POLR2B: variants seen among roughly 807,000 people sequenced by gnomAD.
POLR2B encodes the protein RNA polymerase II subunit B.
Under a neutral mutation model 144.6 loss-of-function variants are expected in POLR2B, and 57 were observed. The observed-to-expected ratio is 0.39, with a 90% CI of 0.32 to 0.49. POLR2B has a LOEUF of 0.49. POLR2B is among the 20% of genes least tolerant of loss of function. POLR2B has a pLI of 0.83. For synonymous variants in POLR2B, 442 were observed against 469.8 expected, an observed-to-expected ratio of 0.94 and a Z score of 0.77; for missense variants, 595 against 1,467.4, an observed-to-expected ratio of 0.41 and a Z score of 9.71.
chr4:57,006,869 A>G lies in POLR2B; in HGVS notation c.1271A>G (p.Asp424Gly). 6.2e-7 allele frequency: 1 copy of G among 1,613,734 alleles called. No individual in the cohort carries two copies. The highest frequency in any genetic ancestry group is 8.5e-7 in the Non-Finnish European group (1 of 1,179,676). The change falls in exon 10 of 25, where the codon GAT becomes GGT. Residue 424 changes from aspartate (D) to glycine (G), a missense_variant. Physicochemically the swap from Asp to Gly is moderately conservative, Grantham distance 94. Around this residue, in one of 9 missense-constraint regions of POLR2B, gnomAD observed 251 missense variants for 567.3 expected, o/e 0.44. Transcript: ENST00000314595. The part of the protein sequence containing the change: ...EVRIYAQKFI[D>G]RGKDFNLELA... ...CGGATCTATGCACAGAAATTTATTGATCGAGGAAAGGATTTTAACTTGGAG... is the reference window on the plus strand; with the variant it reads ...CGGATCTATGCACAGAAATTTATTGGTCGAGGAAAGGATTTTAACTTGGAG...
At chr4:57,020,397 A>G (rs987501173) in intron 16 of POLR2B, among the ~76,000 whole-genome samples, 16 of 152,066 alleles carry the variant, frequency 1.1e-4, no homozygotes, top group African/African-American at 3.9e-4. Context: ...TAAGAATTTC[A>G]TTGTGGTGGG....
intron 13 of POLR2B, among the ~76,000 whole-genome samples, chr4:57,014,504 CTTTTTTTTTT>C (rs773847681): frequency 3.0e-5 from 2 of 66,684 alleles, no homozygotes; most frequent in South Asian, 5.5e-4. Flanking sequence ...CTTTTTTTTT[CTTTTTTTTTT>C]TTTTTTGAGA....
Position 57,023,893 on chromosome 4 carries a change from A to G in POLR2B, c.2857-112A>G. On this transcript the variant is annotated intron_variant, in intron 20 of 24. Transcript: ENST00000314595. The surrounding 1 kb of genome is among the most constrained non-coding windows in gnomAD (Gnocchi z 4.3). ...TATTGTTGAATAAGTATATGAACAT[A>G]CCATGTTTAAACAGAATTTGGGACA... The G allele has an allele frequency of 2.6e-6, 2 of 781,932 alleles. No individual in the cohort carries two copies. The highest frequency in any genetic ancestry group is 5.1e-5 in the East Asian group (2 of 39,340). The allele number at this position is 781,932 out of a possible 1,614,324, so 48.4% of individuals were successfully genotyped here. A position where few individuals can be genotyped will look rare whatever the true frequency, so the allele number is the denominator to read the frequency against.
intron 14 of POLR2B, among the ~76,000 whole-genome samples, chr4:57,015,915 CA>C (rs1723352099): frequency 6.6e-6 from 1 of 152,088 alleles, no homozygotes; most frequent in Non-Finnish European, 1.5e-5. Context: ...TGTGCCACCA[CA>C]CCCAGCTAAT....
intron 10 of POLR2B, chr4:57,009,529 T>G (rs751301866): frequency 6.6e-6 from 1 of 152,236 alleles, no homozygotes; most frequent in Non-Finnish European, 1.5e-5. Flanking sequence ...CAGGGACTTA[T>G]GAGCTGATGG....
At chr4:57,015,858 A>C (rs1370459344) in intron 14 of POLR2B, among the ~76,000 whole-genome samples, 1 of 152,014 alleles carries the variant, frequency 6.6e-6, no homozygotes, top group Non-Finnish European at 1.5e-5. Flanking sequence ...TCCTGGGTTC[A>C]AGCAATTCTC....
intron 2 of POLR2B, among the ~76,000 whole-genome samples, chr4:56,987,591 C>T (rs767120801): frequency 1.1e-4 from 17 of 152,156 alleles, no homozygotes; most frequent in African/African-American, 2.4e-4. Flanking sequence ...CTTTCTTGAA[C>T]GTTGTTTTGT....
rs545845888 is a variant in POLR2B at position 56,993,613 on chromosome 4, T to G, written c.244-791T>G. 3.3e-5 allele frequency among the ~76,000 whole-genome samples: 5 copies of G among 152,344 alleles called. No individual in the cohort carries two copies. In the East Asian group the frequency reaches 9.6e-4, roughly 29 times the overall value. ...TCTAGAAAGTTGTCCTCATGGATCT[T>G]GTTTTATTAGGCAGCAAGTGAATGT... is the stretch of plus-strand genomic sequence containing the variant. On this transcript the variant is annotated intron_variant, in intron 3 of 24. Coordinates refer to ENST00000314595, the MANE Select transcript of POLR2B (RefSeq NM_000938.3).
At chr4:56,980,178 G>A (rs968453426) in intron 1 of POLR2B, among the ~76,000 whole-genome samples, 2 of 150,352 alleles carry the variant, frequency 1.3e-5, no homozygotes, top group Non-Finnish European at 2.9e-5. Flanking sequence ...TGCCTGTCTC[G>A]GCCTCCCAAA....
intron 6 of POLR2B, among the ~76,000 whole-genome samples, chr4:56,996,276 ATATTT>A (rs1722683178): frequency 1.2e-5 from 1 of 85,570 alleles, no homozygotes; most frequent in African/African-American, 4.4e-5. Flanking sequence ...ATATATATAT[ATATTT>A]TTTTTTTTTT....
In POLR2B at chr4:56,990,707, A is replaced by G. The variant is rs201596444; in HGVS notation, c.93-41A>G. 153 of 1,533,420 alleles carry G rather than the reference A, an allele frequency of 1.0e-4. No homozygotes were observed. In the African/African-American group the frequency reaches 1.8e-3, roughly 18 times the overall value. 95.0% of individuals were successfully genotyped at this position (1,533,420 alleles called of 1,614,324 possible). On this transcript the variant is annotated intron_variant, in intron 2 of 24. Transcript: ENST00000314595. ...AAAATGGGGAATTATGCTAGAAATT[A>G]TCACTGAGTTGCAACTGACTGAACT...
Position 56,978,933 on chromosome 4 carries a change from C to A in POLR2B, c.-53C>A, listed in dbSNP as rs896561545. On this transcript the variant is annotated 5_prime_UTR_variant, in exon 1 of 25. Coordinates refer to ENST00000314595, the MANE Select transcript of POLR2B (RefSeq NM_000938.3). ...GCTCCTGGCGCTGCTGGCTTCTGGG[C>A]GGTTTTTGTCTTTTGATTTCAAGAG... The A allele has an allele frequency of 1.9e-6, 3 of 1,576,172 alleles. No homozygotes were observed. The highest frequency in any genetic ancestry group is 2.6e-6 in the Non-Finnish European group (3 of 1,145,890).
chr4:57,021,000 G>T lies in POLR2B; in HGVS notation c.2420+5G>T. On this transcript the variant is annotated splice_donor_5th_base_variant and intron_variant, in intron 17 of 24. Transcript: ENST00000314595. The stretch of plus-strand genomic sequence containing the variant: ...TGTAGACCGCGGCTTCTTCAGGTTA[G>T]TATTTTGTAAATTTGTCAAAACACA... The T allele has an allele frequency of 6.6e-7, 1 of 1,507,662 alleles. No individual in the cohort carries two copies. The highest frequency in any genetic ancestry group is 1.1e-5 in the South Asian group (1 of 88,496). The allele number at this position is 1,507,662 out of a possible 1,614,324, so 93.4% of individuals were successfully genotyped here.
At chr4:57,000,157 C>T (rs1460596424) in intron 7 of POLR2B, among the ~76,000 whole-genome samples, 1 of 152,162 alleles carries the variant, frequency 6.6e-6, no homozygotes, top group Non-Finnish European at 1.5e-5. Context: ...ACAAAAAGGC[C>T]AGTCATGGTG....
Position 57,006,845 on chromosome 4 carries a change from G to A in POLR2B, c.1247G>A (p.Arg416Gln), listed in dbSNP as rs745374976. 1.1e-5 allele frequency: 18 copies of A among 1,613,092 alleles called. No homozygotes were observed. Among genetic ancestry groups the A allele is most frequent in the African/African-American group, 1.3e-5 (1 of 74,834 alleles). ...TTTAAGAATTTGCTTAAAGAAGTGC[G>A]GATCTATGCACAGAAATTTATTGAT... is the stretch of plus-strand genomic sequence containing the variant. ...GMFKNLLKEV[R>Q]IYAQKFIDRG... Residue 416 changes from arginine to glutamine, a missense_variant, in exon 10 of 25, where the codon CGG (arginine) becomes CAG (glutamine). By Grantham distance (43) the Arg-to-Gln change is conservative (BLOSUM62 1). Around this residue, in one of 9 missense-constraint regions of POLR2B, gnomAD observed 251 missense variants for 567.3 expected, o/e 0.44. Transcript: ENST00000314595.
At chr4:57,027,196 C>T (rs956579593) in intron 23 of POLR2B, among the ~76,000 whole-genome samples, 1 of 151,000 alleles carries the variant, frequency 6.6e-6, no homozygotes, top group Non-Finnish European at 1.5e-5. Flanking sequence ...TTTTGTAGAG[C>T]CAGGGTTTCA....
chr4:57,030,928 C>A lies in POLR2B; in HGVS notation c.3465C>A (p.Cys1155Ter). Residue 1155 changes from cysteine (C) to a stop codon, truncating the protein, a stop_gained, in exon 25 of 25, where the codon TGC becomes TGA. Coordinates refer to ENST00000314595, the MANE Select transcript of POLR2B (RefSeq NM_000938.3). LOFTEE classifies it high-confidence loss of function. ...QISLVRMPYACKLLFQELMSM... is the reference protein window; with the variant it reads ...QISLVRMPYA Reference sequence around the variant, plus strand: ...CTTTGGTGCGAATGCCTTACGCATGCAAACTATTGTTTCAGGAACTTATGT... The same window carrying A: ...CTTTGGTGCGAATGCCTTACGCATGAAAACTATTGTTTCAGGAACTTATGT... 6.2e-7 allele frequency: 1 copy of A among 1,609,884 alleles called. No homozygotes were observed. The highest frequency in any genetic ancestry group is 8.5e-7 in the Non-Finnish European group (1 of 1,176,174).
intron 10 of POLR2B, among the ~76,000 whole-genome samples, chr4:57,008,647 A>G (rs1723099546): frequency 6.6e-6 from 1 of 152,216 alleles, no homozygotes. Context: ...TAACTGTTAT[A>G]ATAAGAGATG....
chr4:56,999,585 ATTCATG>A, intron 6 of POLR2B, 26 bp from the exon 7 acceptor site: 1 of 1,482,676 alleles, frequency 6.7e-7, no homozygotes, highest in Non-Finnish European at 9.2e-7. Context: ...GCTTTTGTAT[ATTCATG>A]TTCTAATGAT....
Sources: gnomAD v4.1 joint callset for allele counts (sites outside exome capture counted in the v4.1 genomes callset) on GRCh38, gnomAD v4.1.1 for gene constraint, gnomAD v4.1.1 regional missense constraint, Gnocchi (gnomAD v3.1) non-coding constraint, MANE v1.5 for transcripts, NCBI Gene and HGNC (gene_info 2026-07-23, HGNC 2026-07-21) for gene names.